CAPZB: variants seen among roughly 807,000 people sequenced by gnomAD.
The protein encoded by CAPZB is F-actin-capping protein subunit beta.
Under a neutral mutation model 38.1 loss-of-function variants are expected in CAPZB, and 2 were observed. That is an observed-to-expected ratio of 0.05 (90% CI 0.02 to 0.17). The LOEUF (loss-of-function observed/expected upper bound fraction) is 0.17. CAPZB is among the 10% of genes least tolerant of loss of function. The pLI, the probability that CAPZB is intolerant of heterozygous loss-of-function variation, is 1.00. For synonymous variants in CAPZB, 107 were observed against 127.4 expected (o/e 0.84, Z 1.08); for missense variants, 161 against 334.2 (o/e 0.48, Z 4.04).
chr1:19,403,578 A>G (rs1240188904), intron 2 of CAPZB, among the ~76,000 whole-genome samples: 4 of 152,224 alleles, frequency 2.6e-5, no homozygotes, highest in African/African-American at 9.6e-5. Context: ...TGATCCCGAC[A>G]ATGTGGAGTC....
intron 1 of CAPZB, among the ~76,000 whole-genome samples, chr1:19,432,746 G>A (rs758131415): frequency 5.3e-5 from 8 of 152,200 alleles, no homozygotes; most frequent in Non-Finnish European, 7.3e-5. Flanking sequence ...GAATGACACA[G>A]AAGGACATAA....
chr1:19,354,853 G>A (rs1380489249), intron 6 of CAPZB, among the ~76,000 whole-genome samples: 1 of 152,216 alleles, frequency 6.6e-6, no homozygotes, highest in African/African-American at 2.4e-5. Context: ...CAGGATGTGG[G>A]AGAGTCAGGC....
intron 3 of CAPZB, among the ~76,000 whole-genome samples, chr1:19,380,102 A>G (rs1277739014): frequency 1.3e-5 from 2 of 152,222 alleles, no homozygotes; most frequent in African/African-American, 4.8e-5. Flanking sequence ...TCCACCAGGC[A>G]CCTACGTCAG....
chr1:19,451,116 AGG>A (rs1452606550), intron 1 of CAPZB, among the ~76,000 whole-genome samples: 3 of 152,240 alleles, frequency 2.0e-5, no homozygotes, highest in African/African-American at 4.8e-5. Context: ...AGCCATGTTA[AGG>A]GGTTGTTATT....
At chr1:19,402,196 G>C (rs1438989360) in intron 2 of CAPZB, among the ~76,000 whole-genome samples, 1 of 152,170 alleles carries the variant, frequency 6.6e-6, no homozygotes, top group East Asian at 1.9e-4. Flanking sequence ...GGCTGCGAAG[G>C]AATCAACAGG....
chr1:19,402,008 C>CT (rs2094305742), intron 2 of CAPZB, among the ~76,000 whole-genome samples: 1 of 152,164 alleles, frequency 6.6e-6, no homozygotes, highest in Non-Finnish European at 1.5e-5. Flanking sequence ...TGAGGATACC[C>CT]TATGCCCCCA....
intron 1 of CAPZB, among the ~76,000 whole-genome samples, chr1:19,425,186 A>G (rs2094417816): frequency 6.6e-6 from 1 of 152,242 alleles, no homozygotes; most frequent in South Asian, 2.1e-4. Flanking sequence ...AGCTCCTTCA[A>G]AACTCTGACT....
chr1:19,461,103 G>T (rs1207465755), intron 1 of CAPZB, among the ~76,000 whole-genome samples: 1 of 151,072 alleles, frequency 6.6e-6, no homozygotes, highest in Non-Finnish European at 1.5e-5. Context: ...GGGCGGGGGG[G>T]GGAGGGGCGG....
At chr1:19,441,660 G>A (rs1427929092) in intron 1 of CAPZB, among the ~76,000 whole-genome samples, 1 of 150,416 alleles carries the variant, frequency 6.6e-6, no homozygotes, top group Non-Finnish European at 1.5e-5. Flanking sequence ...GGGGTCCCCA[G>A]TGTAGAAGGC....
intron 2 of CAPZB, among the ~76,000 whole-genome samples, chr1:19,407,125 T>A (rs1558234373): frequency 6.6e-6 from 1 of 152,208 alleles, no homozygotes; most frequent in Non-Finnish European, 1.5e-5. Flanking sequence ...AATTCCCAAA[T>A]ACACCAAAAC....
intron 1 of CAPZB, among the ~76,000 whole-genome samples, chr1:19,424,868 A>T (rs1182192295): frequency 2.0e-5 from 3 of 152,258 alleles, no homozygotes; most frequent in Admixed American, 6.5e-5. Flanking sequence ...CTACAGTTCA[A>T]CAACTGTGCA....
intron 1 of CAPZB, among the ~76,000 whole-genome samples, chr1:19,442,883 T>C (rs1016210587): frequency 2.6e-5 from 4 of 152,098 alleles, no homozygotes; most frequent in Non-Finnish European, 5.9e-5. Context: ...GTTACACAAA[T>C]ACACCTCCTC....
At chr1:19,376,803 G>A (rs1169785870) in intron 4 of CAPZB, among the ~76,000 whole-genome samples, 3 of 152,218 alleles carry the variant, frequency 2.0e-5, no homozygotes, top group Non-Finnish European at 1.5e-5. Context: ...GCTCATGGGA[G>A]GCACTCAAAT....
At chr1:19,406,132 C>A (rs2094330746) in intron 2 of CAPZB, among the ~76,000 whole-genome samples, 1 of 152,226 alleles carries the variant, frequency 6.6e-6, no homozygotes, top group African/African-American at 2.4e-5. Flanking sequence ...AGGGCAACCG[C>A]AAACCGTCTG....
chr1:19,345,554 C>CA (rs2093955605), intron 6 of CAPZB, among the ~76,000 whole-genome samples: 1 of 152,268 alleles, frequency 6.6e-6, no homozygotes. Context: ...TGGCAGGCAC[C>CA]AGCTCACCCG....
At chr1:19,460,796 T>C (rs1369437684) in intron 1 of CAPZB, among the ~76,000 whole-genome samples, 1 of 151,962 alleles carries the variant, frequency 6.6e-6, no homozygotes, top group Non-Finnish European at 1.5e-5. Context: ...GCTGTATCAC[T>C]CCTTAAGAGC....
chr1:19,372,067 C>G (rs1320761390), intron 4 of CAPZB, among the ~76,000 whole-genome samples: 1 of 152,214 alleles, frequency 6.6e-6, no homozygotes, highest in Non-Finnish European at 1.5e-5. Context: ...AGCCTTGTTT[C>G]ACTCTATAAA....
intron 1 of CAPZB, among the ~76,000 whole-genome samples, chr1:19,428,431 A>G (rs898665003): frequency 6.6e-6 from 1 of 151,990 alleles, no homozygotes; most frequent in African/African-American, 2.4e-5. Flanking sequence ...AAAAAAAAAA[A>G]GAAAAAGAAA....
At position 19,356,220 on chromosome 1, in the gene CAPZB, C is replaced by CT; in HGVS notation, c.588+414dup. Among the ~76,000 whole-genome samples the CT allele has an allele frequency of 6.6e-6, 1 of 152,172 alleles. No individual in the cohort carries two copies. The stretch of plus-strand genomic sequence containing the variant: ...TGCTGATGCTGGTCCTTGGACTACT[C>CT]TGAGGGCAGCAAGGTGCAGACACTC... On this transcript the variant is annotated intron_variant, in intron 6 of 8. Transcript: ENST00000264202. The surrounding 1 kb of genome is among the most constrained non-coding windows in gnomAD (Gnocchi z 4.3).
Sources: gnomAD v4.1 joint callset for allele counts (sites outside exome capture counted in the v4.1 genomes callset) on GRCh38, gnomAD v4.1.1 for gene constraint, Gnocchi (gnomAD v3.1) non-coding constraint, MANE v1.5 for transcripts, NCBI Gene and HGNC (gene_info 2026-07-23, HGNC 2026-07-21) for gene names.